Variants in SLC22A23 observed in about 807,000 individuals in gnomAD.
SLC22A23 encodes solute carrier family 22 member 23.
Under a neutral mutation model 61.0 loss-of-function variants are expected in SLC22A23, and 26 were observed. The observed-to-expected ratio is 0.43, with a 90% CI of 0.31 to 0.59. The LOEUF (loss-of-function observed/expected upper bound fraction) is 0.59. Ranked by LOEUF, SLC22A23 falls within the 20% of genes least tolerant of loss-of-function variation. The pLI, the probability that SLC22A23 is intolerant of heterozygous loss-of-function variation, is 0.11. For missense variants in SLC22A23, 796 were observed against 934.7 expected, an observed-to-expected ratio of 0.85 and a Z score of 1.94; for synonymous variants, 430 against 413.9, an observed-to-expected ratio of 1.04 and a Z score of -0.47.
chr6:3,404,957 T>TA (rs34672318), intron 3 of SLC22A23, among the ~76,000 whole-genome samples: 30,530 of 144,700 alleles, frequency 0.21, 3,087 homozygotes, highest in Middle Eastern at 0.26. Flanking sequence ...CTTTGAAGCT[T>TA]AAAAAAAAAA....
chr6:3,418,863 C>T (rs765510641), intron 1 of SLC22A23, among the ~76,000 whole-genome samples: 29 of 152,320 alleles, frequency 1.9e-4, no homozygotes, highest in Middle Eastern at 3.4e-3. Context: ...GGTAGGGTAG[C>T]GCTGGGGGAA....
chr6:3,311,049 G>A (rs1415774739), intron 4 of SLC22A23, among the ~76,000 whole-genome samples: 2 of 152,202 alleles, frequency 1.3e-5, no homozygotes, highest in Admixed American at 1.3e-4. Context: ...AACATGCACT[G>A]GGCACCATCC....
chr6:3,377,126 T>C (rs1766623295), intron 3 of SLC22A23, among the ~76,000 whole-genome samples: 1 of 152,198 alleles, frequency 6.6e-6, no homozygotes, highest in Admixed American at 6.5e-5. Flanking sequence ...TAAAGCTTTA[T>C]TGTAACACCC....
chr6:3,340,626 G>A (rs1320393735), intron 3 of SLC22A23, among the ~76,000 whole-genome samples: 3 of 152,136 alleles, frequency 2.0e-5, no homozygotes, highest in South Asian at 2.1e-4. Flanking sequence ...GGCCAAAAAC[G>A]ATTTTCAAGG....
Position 3,272,797 on chromosome 6 carries a change from T to G in SLC22A23, c.*258A>C, listed in dbSNP as rs1758558799. ...GTGAGAGGGAGAGGGAATAAAGTGC[T>G]TCTCGTAAAAATGACCAAAATAAAT... On this transcript the variant is annotated 3_prime_UTR_variant, in exon 10 of 10. Coordinates refer to ENST00000406686, the MANE Select transcript of SLC22A23 (RefSeq NM_015482.2). 1 of 387,106 alleles carries G rather than the reference T, an allele frequency of 2.6e-6. No homozygotes were observed. The highest frequency in any genetic ancestry group is 2.1e-5 in the African/African-American group (1 of 48,042). 24.0% of individuals were successfully genotyped at this position (387,106 alleles called of 1,614,324 possible).
chr6:3,411,594 G>A (rs1341437611), intron 2 of SLC22A23, among the ~76,000 whole-genome samples: 1 of 151,496 alleles, frequency 6.6e-6, no homozygotes, highest in Non-Finnish European at 1.5e-5. Context: ...AAAATGGGTG[G>A]GTTTTATGGG....
intron 5 of SLC22A23, among the ~76,000 whole-genome samples, chr6:3,292,537 C>A (rs1380778189): frequency 6.6e-6 from 1 of 152,186 alleles, no homozygotes; most frequent in East Asian, 1.9e-4. Context: ...TGACTTAGAG[C>A]CATCAGAAAA....
intron 1 of SLC22A23, among the ~76,000 whole-genome samples, chr6:3,438,050 T>C (rs904375450): frequency 1.3e-5 from 2 of 152,150 alleles, no homozygotes; most frequent in Admixed American, 6.5e-5. Context: ...TCGAACATCT[T>C]TGTTGCCTGC....
intron 4 of SLC22A23, among the ~76,000 whole-genome samples, chr6:3,321,724 G>A (rs1762965162): frequency 6.6e-6 from 1 of 152,190 alleles, no homozygotes; most frequent in Non-Finnish European, 1.5e-5. Context: ...AGCCTGGGGT[G>A]AGGGAAACAA....
rs1762232672 is a variant in SLC22A23 at position 3,309,629 on chromosome 6, G to GACCATAATAAGGACTGTGGGCTGAC, written c.1083-11412_1083-11411insGTCAGCCCACAGTCCTTATTATGGT. On this transcript the variant is annotated intron_variant, in intron 4 of 9. Coordinates refer to ENST00000406686, the MANE Select transcript of SLC22A23 (RefSeq NM_015482.2). This position sits in a 1 kb window ranked among gnomAD's most constrained non-coding sequence, Gnocchi z 4.7. The stretch of plus-strand genomic sequence containing the variant: ...ACTGTGGGCTGACGAGCAGGTGGCA[G>GACCATAATAAGGACTGTGGGCTGAC]GAGGCAGCGGGCCAGCTGCACACAG... 2.7e-5 allele frequency among the ~76,000 whole-genome samples: 4 copies of GACCATAATAAGGACTGTGGGCTGAC among 150,270 alleles called. No homozygotes were observed. Among genetic ancestry groups the GACCATAATAAGGACTGTGGGCTGAC allele is most frequent in the African/African-American group, 7.5e-5 (3 of 39,764 alleles).
intron 5 of SLC22A23, among the ~76,000 whole-genome samples, chr6:3,292,755 C>T (rs540570211): frequency 3.9e-5 from 6 of 152,224 alleles, no homozygotes; most frequent in Admixed American, 1.3e-4. Context: ...GGAAAAGCTA[C>T]GCTGTCCTTG....
At chr6:3,443,747 A>G (rs1771738547) in intron 1 of SLC22A23, among the ~76,000 whole-genome samples, 2 of 151,936 alleles carry the variant, frequency 1.3e-5, no homozygotes, top group South Asian at 2.1e-4. Flanking sequence ...CCTCACCCCA[A>G]TCCATGCTGG....
chr6:3,364,960 C>T (rs570680275), intron 3 of SLC22A23, among the ~76,000 whole-genome samples: 4 of 152,084 alleles, frequency 2.6e-5, no homozygotes, highest in African/African-American at 2.4e-5. Flanking sequence ...CCCAGGGAGC[C>T]AAGGGGACAT....
At chr6:3,363,189 A>G (rs1734336800) in intron 3 of SLC22A23, among the ~76,000 whole-genome samples, 1 of 152,258 alleles carries the variant, frequency 6.6e-6, no homozygotes, top group Non-Finnish European at 1.5e-5. Context: ...CACAAAATAC[A>G]AAAGCAGTTG....
intron 1 of SLC22A23, among the ~76,000 whole-genome samples, chr6:3,419,672 C>T (rs565930772): frequency 1.9e-4 from 29 of 152,270 alleles, no homozygotes; most frequent in Middle Eastern, 3.4e-3. Context: ...TCTTCAGCCT[C>T]CTAATGGAGG....
intron 5 of SLC22A23, among the ~76,000 whole-genome samples, chr6:3,293,332 C>T (rs1385403821): frequency 6.6e-6 from 1 of 152,200 alleles, no homozygotes; most frequent in Non-Finnish European, 1.5e-5. Flanking sequence ...ACCAAACGCT[C>T]CAAGGAGGCA....
intron 1 of SLC22A23, among the ~76,000 whole-genome samples, chr6:3,418,057 C>T (rs1769850567): frequency 6.6e-6 from 1 of 152,212 alleles, no homozygotes; most frequent in Non-Finnish European, 1.5e-5. Context: ...AGTGGGTGCA[C>T]ATTCTGTTTT....
intron 8 of SLC22A23, among the ~76,000 whole-genome samples, chr6:3,284,645 G>C (rs921733539): frequency 4.9e-4 from 74 of 152,216 alleles, no homozygotes; most frequent in African/African-American, 1.8e-3. Context: ...GGGCGGCACT[G>C]TGCTGTCCCC....
At chr6:3,377,972 C>T (rs1766688853) in intron 3 of SLC22A23, 1 of 152,234 alleles carries the variant, frequency 6.6e-6, no homozygotes, top group Non-Finnish European at 1.5e-5. Context: ...TGTTTCACAG[C>T]TCCTGGGAGC....
Sources: gnomAD v4.1 joint callset for allele counts (sites outside exome capture counted in the v4.1 genomes callset) on GRCh38, gnomAD v4.1.1 for gene constraint, Gnocchi (gnomAD v3.1) non-coding constraint, MANE v1.5 for transcripts, NCBI Gene and HGNC (gene_info 2026-07-23, HGNC 2026-07-21) for gene names.